The following FBXW7 variants were observed in gnomAD, a reference collection of about 807,000 sequenced individuals.
FBXW7 encodes F-box/WD repeat-containing protein 7.
In FBXW7, 11 loss-of-function variants were observed where a neutral mutation model predicts 86.3. The observed-to-expected ratio is 0.13, with a 90% CI of 0.08 to 0.21. The LOEUF (loss-of-function observed/expected upper bound fraction) is 0.21. Ranked by LOEUF, FBXW7 falls within the 10% of genes least tolerant of loss-of-function variation. The pLI, the probability that FBXW7 is intolerant of heterozygous loss-of-function variation, is 1.00. For missense variants in FBXW7, 488 were observed against 847.4 expected, an observed-to-expected ratio of 0.58 and a Z score of 5.27; for synonymous variants, 313 against 297.9, an observed-to-expected ratio of 1.05 and a Z score of -0.52.
chr4:152,535,863 C>T lies in FBXW7; in HGVS notation c.-949G>A. On this transcript the variant is annotated 5_prime_UTR_variant, in exon 1 of 14. Coordinates refer to ENST00000281708, the MANE Select transcript of FBXW7 (RefSeq NM_001349798.2). ...CTCCGGCTCCGGCGTGTGCAGCCGC[C>T]GCTGCCGGCCGGGAAGGTGAGGGGG... 5.2e-6 allele frequency: 2 copies of T among 384,246 alleles called. No homozygotes were observed. Among genetic ancestry groups the T allele is most frequent in the Non-Finnish European group, 9.2e-6 (2 of 216,980 alleles). The allele number at this position is 384,246 out of a possible 1,614,324, so 23.8% of individuals were successfully genotyped here.
At chr4:152,326,784 T>TA (rs1437616042) in intron 11 of FBXW7, among the ~76,000 whole-genome samples, 3 of 152,142 alleles carry the variant, frequency 2.0e-5, no homozygotes, top group African/African-American at 7.2e-5. Flanking sequence ...ATTTGGAATT[T>TA]AAACAGCTGC....
intron 2 of FBXW7, among the ~76,000 whole-genome samples, chr4:152,471,694 T>G (rs1306433513): frequency 6.6e-6 from 1 of 151,342 alleles, no homozygotes; most frequent in Non-Finnish European, 1.5e-5. Context: ...AGGCCAGGAG[T>G]CCGAGATTAG....
intron 4 of FBXW7, among the ~76,000 whole-genome samples, chr4:152,358,180 G>GA (rs1260086362): frequency 1.3e-5 from 2 of 151,880 alleles, no homozygotes; most frequent in South Asian, 2.1e-4. Context: ...AGATATCATG[G>GA]AAAAAAAGTA....
intron 2 of FBXW7, among the ~76,000 whole-genome samples, chr4:152,435,129 T>C (rs980124333): frequency 2.0e-5 from 3 of 151,162 alleles, no homozygotes; most frequent in Admixed American, 6.6e-5. Flanking sequence ...CACCATCCCC[T>C]ACCAAACACG....
At chr4:152,406,232 T>C (rs563836041) in intron 4 of FBXW7, among the ~76,000 whole-genome samples, 1 of 152,338 alleles carries the variant, frequency 6.6e-6, no homozygotes, top group African/African-American at 2.4e-5. Flanking sequence ...TGGAATGCTA[T>C]AAAACAATTT....
Position 152,337,838 on chromosome 4 carries a change from C to T in FBXW7, c.825G>A (p.Gln275=), listed in dbSNP as rs1197777664. 1.9e-6 allele frequency: 3 copies of T among 1,612,274 alleles called. No homozygotes were observed. Among genetic ancestry groups the T allele is most frequent in the Non-Finnish European group, 2.5e-6 (3 of 1,179,098 alleles). ...VKHMMQVIEP[Q]FQRDFISLLP... ...GCAATGAAATGAAGTCTCGTTGAAA[C>T]TGGGGTTCTATCACTTGCATCATAT... Residue 275 remains glutamine, a synonymous_variant, in exon 7 of 14, where the codon CAG becomes CAA. Coordinates refer to ENST00000281708, the MANE Select transcript of FBXW7 (RefSeq NM_001349798.2).
At chr4:152,411,081 G>C (rs1250062073) in intron 4 of FBXW7, 1 of 775,058 alleles carries the variant, frequency 1.3e-6, no homozygotes, top group Non-Finnish European at 1.8e-6. Flanking sequence ...ATAGTAATAG[G>C]CTCAATTACT....
At chr4:152,410,011 G>C (rs1250314080) in intron 4 of FBXW7, among the ~76,000 whole-genome samples, 1 of 152,124 alleles carries the variant, frequency 6.6e-6, no homozygotes, top group Non-Finnish European at 1.5e-5. Flanking sequence ...TGAACTGGAA[G>C]GTTTCCTACA....
At chr4:152,335,730 A>G (rs997589057) in intron 7 of FBXW7, among the ~76,000 whole-genome samples, 2 of 152,232 alleles carry the variant, frequency 1.3e-5, no homozygotes, top group Admixed American at 1.3e-4. Flanking sequence ...AAGGTAGCCA[A>G]TATTTTCCCA....
intron 2 of FBXW7, among the ~76,000 whole-genome samples, chr4:152,464,977 C>T (rs1261754239): frequency 6.6e-6 from 1 of 152,080 alleles, no homozygotes; most frequent in Non-Finnish European, 1.5e-5. Flanking sequence ...TCCAGTTGAG[C>T]CTTTCTGAGT....
intron 4 of FBXW7, chr4:152,352,703 G>A (rs752930098): frequency 1.2e-6 from 2 of 1,613,726 alleles, no homozygotes; most frequent in East Asian, 2.2e-5. Context: ...ATGCAGCTCA[G>A]TATCAAACCG....
intron 4 of FBXW7, among the ~76,000 whole-genome samples, chr4:152,386,161 C>T (rs1210130548): frequency 6.6e-6 from 1 of 151,952 alleles, no homozygotes; most frequent in Non-Finnish European, 1.5e-5. Context: ...ATTAAAGATA[C>T]TCTTTAATTA....
intron 2 of FBXW7, among the ~76,000 whole-genome samples, chr4:152,421,985 A>T (rs77300425): frequency 0.014 from 2,080 of 152,304 alleles, 26 homozygotes; most frequent in Middle Eastern, 0.037. Flanking sequence ...AAATATTGCC[A>T]GAATTACCAA....
chr4:152,480,722 G>C (rs1744809248), intron 2 of FBXW7, among the ~76,000 whole-genome samples: 2 of 152,198 alleles, frequency 1.3e-5, no homozygotes, highest in South Asian at 4.1e-4. Context: ...AAGGTTTGGT[G>C]TTCTGCACAG....
intron 4 of FBXW7, among the ~76,000 whole-genome samples, chr4:152,392,511 AC>A (rs750016144): frequency 6.6e-6 from 1 of 151,950 alleles, no homozygotes; most frequent in Non-Finnish European, 1.5e-5. Flanking sequence ...GCTGTTCTAG[AC>A]CCCCACTTTT....
chr4:152,345,808 A>G (rs1731207890), intron 6 of FBXW7, among the ~76,000 whole-genome samples: 1 of 152,178 alleles, frequency 6.6e-6, no homozygotes, highest in Non-Finnish European at 1.5e-5. Context: ...TCATCTAGGT[A>G]TTTAAAATAT....
intron 2 of FBXW7, among the ~76,000 whole-genome samples, chr4:152,527,718 T>C (rs79114491): frequency 0.014 from 2,078 of 152,134 alleles, 26 homozygotes; most frequent in Middle Eastern, 0.037. Context: ...GGGTCACGGC[T>C]GCAGTGAGCA....
intron 4 of FBXW7, among the ~76,000 whole-genome samples, chr4:152,392,260 T>A (rs1736055949): frequency 6.6e-6 from 1 of 152,044 alleles, no homozygotes; most frequent in South Asian, 2.1e-4. Context: ...TTTGTGACTG[T>A]TTGGACCATT....
intron 2 of FBXW7, among the ~76,000 whole-genome samples, chr4:152,503,561 C>A (rs1247093325): frequency 6.6e-6 from 1 of 151,816 alleles, no homozygotes; most frequent in Non-Finnish European, 1.5e-5. Context: ...CATGAGCCAC[C>A]GTGCCCGGCC....
Sources: allele counts gnomAD v4.1 joint callset (sites outside exome capture counted in the v4.1 genomes callset), GRCh38; gene constraint gnomAD v4.1.1; transcripts MANE v1.5; gene names NCBI Gene and HGNC (gene_info 2026-07-23, HGNC 2026-07-21).